SCHIP1: variants seen among roughly 807,000 people sequenced by gnomAD.
SCHIP1 encodes the protein schwannomin-interacting protein 1.
A neutral mutation model predicts 29.7 loss-of-function variants in SCHIP1; 8 were observed. The observed-to-expected ratio is 0.27, with a 90% CI of 0.16 to 0.49. The LOEUF is 0.49. Ranked by LOEUF, SCHIP1 falls within the 20% of genes least tolerant of loss-of-function variation. SCHIP1 has a pLI of 0.99. For synonymous variants in SCHIP1, 76 were observed against 94.9 expected (o/e 0.80, Z 1.16); for missense variants, 193 against 294.6 (o/e 0.66, Z 2.52).
At chr3:159,601,087 T>G in the SCHIP1 span, among the ~76,000 whole-genome samples, 11 of 151,876 alleles carry the variant, frequency 7.2e-5, no homozygotes, top group Admixed American at 7.2e-4. Flanking sequence ...TGCCCCAGGG[T>G]GGTGTACACT....
At chr3:159,682,287 A>G in the SCHIP1 span, among the ~76,000 whole-genome samples, 1 of 152,182 alleles carries the variant, frequency 6.6e-6, no homozygotes, top group Non-Finnish European at 1.5e-5. Context: ...GTAAATATCA[A>G]GTATCTAAAG....
the SCHIP1 span, among the ~76,000 whole-genome samples, chr3:159,359,081 C>T: frequency 1.3e-5 from 2 of 151,736 alleles, no homozygotes; most frequent in Non-Finnish European, 2.9e-5. Flanking sequence ...GCGCACACCA[C>T]CATGCCCAGC....
At chr3:159,639,806 T>A in the SCHIP1 span, among the ~76,000 whole-genome samples, 1 of 152,198 alleles carries the variant, frequency 6.6e-6, no homozygotes, top group Admixed American at 6.5e-5. Flanking sequence ...GAGTTCATCA[T>A]TAATTATGTG....
upstream of SCHIP1, among the ~76,000 whole-genome samples, chr3:159,838,579 C>T (rs543857548): frequency 3.3e-5 from 5 of 152,168 alleles, no homozygotes; most frequent in Non-Finnish European, 5.9e-5. Flanking sequence ...CATTTATGTA[C>T]TCAGAGCTAT....
the SCHIP1 span, among the ~76,000 whole-genome samples, chr3:159,483,929 G>C: frequency 6.6e-6 from 1 of 152,170 alleles, no homozygotes; most frequent in African/African-American, 2.4e-5. Context: ...CAAATGTGGA[G>C]TTACTTTGTT....
chr3:159,390,819 A>G, the SCHIP1 span, among the ~76,000 whole-genome samples: 1 of 143,990 alleles, frequency 6.9e-6, no homozygotes, highest in Admixed American at 6.8e-5. Flanking sequence ...CAGCCAATTC[A>G]TTCATTCTTC....
At chr3:159,526,221 A>T in the SCHIP1 span, among the ~76,000 whole-genome samples, 1 of 152,206 alleles carries the variant, frequency 6.6e-6, no homozygotes, top group Non-Finnish European at 1.5e-5. Flanking sequence ...TTTATTGCCC[A>T]GGCTGAATTG....
chr3:159,277,452 G>A, the SCHIP1 span, among the ~76,000 whole-genome samples: 1 of 151,648 alleles, frequency 6.6e-6, no homozygotes, highest in African/African-American at 2.4e-5. Context: ...AGTATGGCTT[G>A]GAAGAATTTT....
At chr3:159,476,876 T>C in the SCHIP1 span, among the ~76,000 whole-genome samples, 1 of 152,180 alleles carries the variant, frequency 6.6e-6, no homozygotes, top group Non-Finnish European at 1.5e-5. Context: ...GTCACTGTGC[T>C]GTGGAATAGA....
At chr3:159,496,752 T>C in the SCHIP1 span, among the ~76,000 whole-genome samples, 1 of 152,210 alleles carries the variant, frequency 6.6e-6, no homozygotes, top group African/African-American at 2.4e-5. Flanking sequence ...ATCCCATTAC[T>C]GAGTATATAC....
At chr3:159,702,138 C>T in the SCHIP1 span, among the ~76,000 whole-genome samples, 1 of 152,150 alleles carries the variant, frequency 6.6e-6, no homozygotes, top group Non-Finnish European at 1.5e-5. Context: ...AGAGAGTTTA[C>T]TTACTTGTGG....
the SCHIP1 span, among the ~76,000 whole-genome samples, chr3:159,637,085 G>A: frequency 6.6e-6 from 1 of 152,162 alleles, no homozygotes; most frequent in Admixed American, 6.5e-5. Flanking sequence ...TTTAATGTAA[G>A]AACAGTTGAT....
the SCHIP1 span, among the ~76,000 whole-genome samples, chr3:159,460,320 G>C: frequency 6.6e-6 from 1 of 152,236 alleles, no homozygotes; most frequent in African/African-American, 2.4e-5. Context: ...CATCCAAACC[G>C]AATAAGGTGA....
chr3:159,625,959 A>C, the SCHIP1 span, among the ~76,000 whole-genome samples: 1 of 151,828 alleles, frequency 6.6e-6, no homozygotes, highest in African/African-American at 2.4e-5. Context: ...TGTTAAACCA[A>C]TACTGGGTCA....
chr3:159,468,177 G>A, the SCHIP1 span, among the ~76,000 whole-genome samples: 2 of 152,100 alleles, frequency 1.3e-5, no homozygotes, highest in African/African-American at 4.8e-5. Context: ...ATATGTGTCT[G>A]TGTATAACAG....
chr3:159,426,483 A>C, the SCHIP1 span, among the ~76,000 whole-genome samples: 1 of 152,146 alleles, frequency 6.6e-6, no homozygotes, highest in Non-Finnish European at 1.5e-5. Flanking sequence ...GACTAAACCA[A>C]GAAGAAGTTG....
At chr3:159,454,781 G>T in the SCHIP1 span, among the ~76,000 whole-genome samples, 1 of 152,124 alleles carries the variant, frequency 6.6e-6, no homozygotes, top group Non-Finnish European at 1.5e-5. Context: ...TCAATGACTT[G>T]TCCAAGGTCA....
chr3:159,661,555 TAA>T, the SCHIP1 span, among the ~76,000 whole-genome samples: 2 of 152,196 alleles, frequency 1.3e-5, no homozygotes, highest in African/African-American at 2.4e-5. Flanking sequence ...AGAAATAAAT[TAA>T]AGAGTGTCTA....
the SCHIP1 span, among the ~76,000 whole-genome samples, chr3:159,688,287 G>A: frequency 7.6e-4 from 115 of 152,194 alleles, 2 homozygotes; most frequent in Admixed American, 1.5e-3. Flanking sequence ...CTTAATGATC[G>A]CCATTCTAAC....
Sources: gnomAD v4.1 joint callset for allele counts (sites outside exome capture counted in the v4.1 genomes callset) on GRCh38, gnomAD v4.1.1 for gene constraint, MANE v1.5 for transcripts, NCBI Gene and HGNC (gene_info 2026-07-23, HGNC 2026-07-21) for gene names.